CTIF: variants seen among roughly 807,000 people sequenced by gnomAD.
CTIF encodes the protein CBP80/20-dependent translation initiation factor.
CTIF carries 21 observed loss-of-function variants against 66.0 expected under a neutral mutation model. The observed-to-expected ratio is 0.32, with a 90% CI of 0.23 to 0.46. The LOEUF (loss-of-function observed/expected upper bound fraction) is 0.46. CTIF is among the 20% of genes least tolerant of loss of function. The pLI, the probability that CTIF is intolerant of heterozygous loss-of-function variation, is 1.00. For missense variants in CTIF, 739 were observed against 812.7 expected (o/e 0.91, Z 1.10); for synonymous variants, 345 against 326.4 (o/e 1.06, Z -0.62).
chr18:48,758,840 C>T (rs1431945464), intron 8 of CTIF, among the ~76,000 whole-genome samples: 1 of 152,184 alleles, frequency 6.6e-6, no homozygotes, highest in Admixed American at 6.5e-5. Flanking sequence ...ACCATCCAGG[C>T]AGTGGTCTCT....
At chr18:48,621,220 G>A (rs73956960) in intron 2 of CTIF, among the ~76,000 whole-genome samples, 12,240 of 152,006 alleles carry the variant, frequency 0.081, 553 homozygotes, top group South Asian at 0.13. Context: ...AAATGGAACG[G>A]GGAGTGAGGA....
intron 7 of CTIF, among the ~76,000 whole-genome samples, chr18:48,738,790 G>A (rs773749501): frequency 3.3e-5 from 5 of 152,190 alleles, no homozygotes; most frequent in East Asian, 1.9e-4. Flanking sequence ...GCATCTCCCC[G>A]CTGGGTGATG....
intron 6 of CTIF, among the ~76,000 whole-genome samples, chr18:48,671,339 A>T (rs2091531006): frequency 6.6e-6 from 1 of 151,774 alleles, no homozygotes; most frequent in Non-Finnish European, 1.5e-5. Context: ...TGCTCTCAGG[A>T]GTGTGACTGG....
chr18:48,651,568 G>A (rs549236623), intron 3 of CTIF, among the ~76,000 whole-genome samples: 42 of 152,298 alleles, frequency 2.8e-4, no homozygotes, highest in African/African-American at 5.5e-4. Flanking sequence ...GAGACAGAAG[G>A]TTAACAAGGA....
At chr18:48,805,102 G>A (rs568978650) in intron 9 of CTIF, among the ~76,000 whole-genome samples, 23 of 152,312 alleles carry the variant, frequency 1.5e-4, no homozygotes, top group African/African-American at 5.5e-4. Flanking sequence ...ATTCAGGGTC[G>A]TCTCTCAGGC....
chr18:48,699,592 T>C (rs1278649265), intron 6 of CTIF, among the ~76,000 whole-genome samples: 1 of 152,172 alleles, frequency 6.6e-6, no homozygotes, highest in Non-Finnish European at 1.5e-5. Flanking sequence ...TTTGGGCGGC[T>C]GCTTCCCAGC....
intron 1 of CTIF, among the ~76,000 whole-genome samples, chr18:48,549,179 C>T (rs759171904): frequency 1.8e-4 from 27 of 152,044 alleles, no homozygotes; most frequent in Non-Finnish European, 3.1e-4. Context: ...GGGAGGTGCT[C>T]GTGCACAAGA....
chr18:48,606,751 G>A (rs1234665549), intron 1 of CTIF, among the ~76,000 whole-genome samples: 1 of 152,160 alleles, frequency 6.6e-6, no homozygotes, highest in African/African-American at 2.4e-5. Flanking sequence ...TCCATGTCTT[G>A]GAGCCATTCT....
intron 5 of CTIF, among the ~76,000 whole-genome samples, chr18:48,665,209 C>T (rs964494258): frequency 6.6e-5 from 10 of 152,166 alleles, no homozygotes; most frequent in South Asian, 2.1e-4. Flanking sequence ...CCACCGCGCC[C>T]GGCCTGAGGC....
intron 6 of CTIF, among the ~76,000 whole-genome samples, chr18:48,692,298 CA>C (rs72042735): frequency 0.099 from 13,753 of 139,234 alleles, 1,772 homozygotes; most frequent in African/African-American, 0.31. Context: ...TCATGGGCCA[CA>C]AAAAAACAAA....
At chr18:48,733,031 G>A (rs947592068) in intron 7 of CTIF, among the ~76,000 whole-genome samples, 2 of 152,172 alleles carry the variant, frequency 1.3e-5, no homozygotes, top group African/African-American at 2.4e-5. Flanking sequence ...GAGGAGGAGC[G>A]TTATTTTGAG....
intron 1 of CTIF, among the ~76,000 whole-genome samples, chr18:48,584,301 CTGAT>C (rs1321976417): frequency 2.6e-5 from 4 of 152,218 alleles, no homozygotes; most frequent in African/African-American, 4.8e-5. Flanking sequence ...TCACCCAACT[CTGAT>C]TGTCTTATTT....
intron 6 of CTIF, among the ~76,000 whole-genome samples, chr18:48,703,490 T>C (rs1174745704): frequency 6.6e-6 from 1 of 152,246 alleles, no homozygotes; most frequent in Non-Finnish European, 1.5e-5. Context: ...GAAGACTTTC[T>C]TGTGTCTGTA....
chr18:48,549,348 G>A (rs190726379), intron 1 of CTIF, among the ~76,000 whole-genome samples: 200 of 152,282 alleles, frequency 1.3e-3, no homozygotes, highest in African/African-American at 4.1e-3. Flanking sequence ...GTGGAAGTAT[G>A]GACAGATGAA....
chr18:48,771,807 G>A (rs1411947732), intron 9 of CTIF, among the ~76,000 whole-genome samples: 5 of 152,334 alleles, frequency 3.3e-5, no homozygotes, highest in Middle Eastern at 3.4e-3. Context: ...CTCTGTGAGC[G>A]GCCGGCCCCC....
intron 7 of CTIF, among the ~76,000 whole-genome samples, chr18:48,756,546 C>A (rs11082701): frequency 0.28 from 42,868 of 152,062 alleles, 6,348 homozygotes; most frequent in Non-Finnish European, 0.33. Flanking sequence ...GGAGGTGCAG[C>A]GCTTATTCTT....
At chr18:48,656,564 C>T (rs901000686) in intron 3 of CTIF, among the ~76,000 whole-genome samples, 3 of 152,174 alleles carry the variant, frequency 2.0e-5, no homozygotes, top group African/African-American at 7.2e-5. Flanking sequence ...GAGACAACTT[C>T]AGTTTCCCTT....
intron 1 of CTIF, among the ~76,000 whole-genome samples, chr18:48,548,672 G>T (rs1166962173): frequency 3.3e-5 from 5 of 152,226 alleles, no homozygotes; most frequent in Non-Finnish European, 5.9e-5. Context: ...GAAGGTCAGG[G>T]ATTCCGAGAA....
chr18:48,815,787 G>A (rs763533514), intron 9 of CTIF, among the ~76,000 whole-genome samples: 26 of 152,364 alleles, frequency 1.7e-4, no homozygotes, highest in South Asian at 1.0e-3. Flanking sequence ...CTTGGCTGAA[G>A]TCAGCAGTGG....
Sources: gnomAD v4.1 joint callset for allele counts (sites outside exome capture counted in the v4.1 genomes callset) on GRCh38, gnomAD v4.1.1 for gene constraint, MANE v1.5 for transcripts, NCBI Gene and HGNC (gene_info 2026-07-23, HGNC 2026-07-21) for gene names.